The following DISP1 variants were observed in gnomAD, a reference collection of about 807,000 sequenced individuals.
DISP1 encodes the protein dispatched RND transporter family member 1.
A neutral mutation model predicts 37.3 loss-of-function variants in DISP1; 30 were observed. The ratio of observed to expected loss-of-function variants is 0.80; its 90% CI spans 0.60 to 1.09. DISP1 has a LOEUF of 1.09. Ranked by LOEUF, DISP1 falls within the 50% of genes least tolerant of loss-of-function variation. DISP1 has a pLI of 0.00. For missense variants in DISP1, 1,598 were observed against 1,879.5 expected (o/e 0.85, Z 2.77); for synonymous variants, 634 against 690.2 (o/e 0.92, Z 1.28).
intron 4 of DISP1, among the ~76,000 whole-genome samples, chr1:222,984,566 C>T (rs1327413122): frequency 6.7e-6 from 1 of 150,054 alleles, no homozygotes; most frequent in Admixed American, 6.7e-5. Flanking sequence ...TGTTGACATA[C>T]TTTAAATGTT....
At chr1:222,848,101 A>G (rs903890429) in intron 1 of DISP1, among the ~76,000 whole-genome samples, 2 of 152,142 alleles carry the variant, frequency 1.3e-5, no homozygotes, top group African/African-American at 2.4e-5. Flanking sequence ...AGTTATTTCA[A>G]CATTCATATT....
At chr1:222,846,241 C>G (rs762466977) in intron 1 of DISP1, among the ~76,000 whole-genome samples, 14 of 152,140 alleles carry the variant, frequency 9.2e-5, no homozygotes, top group Non-Finnish European at 1.6e-4. Flanking sequence ...CCTGTAATCC[C>G]AGCACTTTGG....
Position 223,005,304 on chromosome 1 carries a change from A to G in DISP1, c.3907A>G (p.Ser1303Gly), listed in dbSNP as rs757289454. The stretch of plus-strand genomic sequence containing the variant: ...GTGCCACCAGTGCTCTCCTACCACT[A>G]GCAGCTTTGTCCAGATCCAAAACGG... ...CLCHQCSPTT[S>G]SFVQIQNGVA... The change falls in exon 9 of 9, where the codon AGC becomes GGC. Residue 1303 changes from serine to glycine, a missense_variant. Coordinates refer to ENST00000675850, the MANE Select transcript of DISP1 (RefSeq NM_001377229.1). 1.2e-6 allele frequency: 2 copies of G among 1,613,632 alleles called. No homozygotes were observed. Among genetic ancestry groups the G allele is most frequent in the African/African-American group, 1.3e-5 (1 of 74,932 alleles).
At chr1:222,826,151 G>A (rs11485186) in intron 1 of DISP1, among the ~76,000 whole-genome samples, 24,807 of 152,022 alleles carry the variant, frequency 0.16, 2,319 homozygotes, top group South Asian at 0.25. Context: ...CTGTCCTCCC[G>A]TCTTGGCCTC....
In DISP1 at chr1:222,895,715, G is replaced by A. The variant is rs568095277; in HGVS notation, c.-158-32715G>A. The stretch of plus-strand genomic sequence containing the variant: ...AAGGTAATTCAATGGAGAAGGATCA[G>A]TCTTTTCCACATATGATGGGTTAAC... On this transcript the variant is annotated intron_variant, in intron 1 of 8. Transcript: ENST00000675850. 2.0e-5 allele frequency among the ~76,000 whole-genome samples: 3 copies of A among 152,208 alleles called. No homozygotes were observed. In the East Asian group the frequency reaches 5.8e-4, roughly 29 times the overall value.
At chr1:222,867,709 T>C (rs1669276258) in intron 1 of DISP1, among the ~76,000 whole-genome samples, 1 of 152,200 alleles carries the variant, frequency 6.6e-6, no homozygotes. Flanking sequence ...AAGCTAGAAA[T>C]AGAGCCTGGG....
intron 1 of DISP1, among the ~76,000 whole-genome samples, chr1:222,848,690 G>A (rs1339649759): frequency 6.6e-6 from 1 of 152,134 alleles, no homozygotes. Flanking sequence ...GCATAGAATA[G>A]GATATAATAT....
chr1:222,919,198 C>T (rs534480406), intron 1 of DISP1, among the ~76,000 whole-genome samples: 5 of 152,182 alleles, frequency 3.3e-5, no homozygotes, highest in Admixed American at 6.5e-5. Context: ...TGGTGCAGGC[C>T]GAAAGAGTGG....
chr1:222,911,909 T>A (rs34643369), intron 1 of DISP1, among the ~76,000 whole-genome samples: 17,303 of 152,180 alleles, frequency 0.11, 1,352 homozygotes, highest in Non-Finnish European at 0.16. Context: ...CACATCAGCA[T>A]GAAAACCAAA....
At chr1:222,993,302 G>T (rs1678835489) in intron 7 of DISP1, among the ~76,000 whole-genome samples, 1 of 152,220 alleles carries the variant, frequency 6.6e-6, no homozygotes, top group Non-Finnish European at 1.5e-5. Flanking sequence ...CAGCCTAGAG[G>T]ACATGAATAT....
At chr1:222,922,587 C>T (rs77953229) in intron 1 of DISP1, among the ~76,000 whole-genome samples, 1,589 of 152,034 alleles carry the variant, frequency 0.01, 24 homozygotes, top group African/African-American at 0.037. Flanking sequence ...TGAAAGGGTG[C>T]GCAGAAGTAG....
intron 2 of DISP1, among the ~76,000 whole-genome samples, chr1:222,937,021 TATATTAC>T (rs985772463): frequency 9.1e-6 from 1 of 110,096 alleles, no homozygotes; most frequent in Admixed American, 1.3e-4. Context: ...TTATATATTA[TATATTAC>T]ATATTATATA....
intron 1 of DISP1, among the ~76,000 whole-genome samples, chr1:222,815,831 A>G (rs148117928): frequency 6.6e-6 from 1 of 152,240 alleles, no homozygotes; most frequent in African/African-American, 2.4e-5. Flanking sequence ...TTCCCTTGTC[A>G]TGGGATGAAC....
intron 3 of DISP1, among the ~76,000 whole-genome samples, chr1:222,966,285 C>T (rs543023071): frequency 6.6e-6 from 1 of 152,068 alleles, no homozygotes; most frequent in South Asian, 2.1e-4. Context: ...AAAATAATAA[C>T]CTAGGAAAAA....
chr1:222,821,110 C>T (rs965556246), intron 1 of DISP1, among the ~76,000 whole-genome samples: 11 of 152,088 alleles, frequency 7.2e-5, no homozygotes, highest in African/African-American at 2.4e-4. Flanking sequence ...AATCAGCAGG[C>T]CTGTTGTTTT....
chr1:222,840,368 A>C (rs956628311), intron 1 of DISP1, among the ~76,000 whole-genome samples: 1 of 151,726 alleles, frequency 6.6e-6, no homozygotes, highest in African/African-American at 2.4e-5. Context: ...TAGCCTCCCA[A>C]GTAGCTGGGA....
chr1:222,821,008 C>T (rs1662734486), intron 1 of DISP1, among the ~76,000 whole-genome samples: 1 of 151,890 alleles, frequency 6.6e-6, no homozygotes, highest in Non-Finnish European at 1.5e-5. Context: ...TTATCCATCC[C>T]ACGGGTCTTT....
chr1:222,993,376 T>C (rs1444635473), intron 7 of DISP1, among the ~76,000 whole-genome samples: 3 of 152,214 alleles, frequency 2.0e-5, no homozygotes. Flanking sequence ...AGTATAATTT[T>C]TAATTAAGTG....
Position 223,003,696 on chromosome 1 carries a change from G to A in DISP1, c.2299G>A (p.Glu767Lys). The change falls in exon 9 of 9, where the codon GAA becomes AAA. Residue 767 changes from glutamate (E) to lysine (K), a missense_variant. Glu to Lys is a moderately conservative substitution (Grantham distance 56, BLOSUM62 1). Transcript: ENST00000675850. This position sits in a 1 kb window ranked among gnomAD's most constrained non-coding sequence, Gnocchi z 4.3. ...SSHPFERYDA[E>K]YKKLFMFERV... is the part of the protein sequence containing the mutation. Reference sequence around the variant, plus strand: ...CCATCCTTTTGAGCGTTATGATGCTGAATACAAAAAGCTTTTCATGTTTGA... The same window carrying A: ...CCATCCTTTTGAGCGTTATGATGCTAAATACAAAAAGCTTTTCATGTTTGA... 1 of 1,614,118 alleles carries A rather than the reference G, an allele frequency of 6.2e-7. No individual in the cohort carries two copies. Among genetic ancestry groups the A allele is most frequent in the Non-Finnish European group, 8.5e-7 (1 of 1,180,028 alleles).
Sources: gnomAD v4.1 joint callset for allele counts (sites outside exome capture counted in the v4.1 genomes callset) on GRCh38, gnomAD v4.1.1 for gene constraint, Gnocchi (gnomAD v3.1) non-coding constraint, MANE v1.5 for transcripts, NCBI Gene and HGNC (gene_info 2026-07-23, HGNC 2026-07-21) for gene names.